Variants in SYCP3 observed in about 807,000 individuals in gnomAD.
SYCP3 encodes synaptonemal complex protein 3.
Under a neutral mutation model 38.5 loss-of-function variants are expected in SYCP3, and 29 were observed. That is an observed-to-expected ratio of 0.75 (90% CI 0.56 to 1.03). SYCP3 has a LOEUF of 1.03. Among genes scored for constraint, SYCP3 ranks in the 50% least tolerant of loss-of-function variants. The pLI, the probability that SYCP3 is intolerant of heterozygous loss-of-function variation, is 0.00. For missense variants in SYCP3, 242 were observed against 270.7 expected (o/e 0.89, Z 0.74); for synonymous variants, 79 against 80.3 (o/e 0.98, Z 0.08).
chr12:101,730,479 T>A, intron 7 of SYCP3: 1 of 414,484 alleles, frequency 2.4e-6, no homozygotes, highest in Non-Finnish European at 4.7e-6. Flanking sequence ...TAAAATAACA[T>A]GTGTGTGTAT....
At position 101,736,708 on chromosome 12, in the gene SYCP3, A is replaced by ATGTGTG. The variant is rs34377603; in HGVS notation, c.235+323_235+328dup. ...TATACAAATATATGTATGTATGTAT[A>ATGTGTG]TGTGTGTGTGTGTGTGTGTGTGTGT... On this transcript the variant is annotated intron_variant, in intron 4 of 8. Transcript: ENST00000392924. Among the ~76,000 whole-genome samples the ATGTGTG allele has an allele frequency of 7.4e-4, 110 of 149,134 alleles. 1 individual carries two copies. Among genetic ancestry groups the ATGTGTG allele is most frequent in the Admixed American group, 1.1e-3 (17 of 14,904 alleles).
At chr12:101,733,938 A>G (rs1361961243) in intron 5 of SYCP3, among the ~76,000 whole-genome samples, 1 of 152,224 alleles carries the variant, frequency 6.6e-6, no homozygotes, top group East Asian at 1.9e-4. Flanking sequence ...ATAAATTTTC[A>G]AAAAGAAATT....
At chr12:101,738,523 G>A (rs1952562985) in intron 1 of SYCP3, among the ~76,000 whole-genome samples, 2 of 151,142 alleles carry the variant, frequency 1.3e-5, no homozygotes, top group Non-Finnish European at 2.9e-5. Context: ...GATCACCTGA[G>A]GTCAGGAGTT....
intron 4 of SYCP3, among the ~76,000 whole-genome samples, chr12:101,735,458 C>T (rs1465663586): frequency 2.6e-5 from 4 of 151,916 alleles, no homozygotes; most frequent in East Asian, 1.9e-4. Context: ...GTCAAAAGAT[C>T]GAGACCATCC....
At chr12:101,735,769 A>T (rs893388671) in intron 4 of SYCP3, among the ~76,000 whole-genome samples, 6 of 150,288 alleles carry the variant, frequency 4.0e-5, no homozygotes, top group East Asian at 1.9e-4. Context: ...ATTATAGAAA[A>T]TATGTAAAAG....
At chr12:101,733,746 T>C in intron 5 of SYCP3, 72 bp from the exon 6 acceptor site, 1 of 1,376,222 alleles carries the variant, frequency 7.3e-7, no homozygotes, top group Non-Finnish European at 1.0e-6. Flanking sequence ...AAAACTGAGT[T>C]GACACAGTTA....
intron 4 of SYCP3, 96 bp downstream of exon 4, chr12:101,736,941 A>G (rs1710809977): frequency 8.6e-7 from 1 of 1,164,320 alleles, no homozygotes; most frequent in Admixed American, 1.9e-5. Flanking sequence ...AAGGCATTAA[A>G]TAACAGTCTT....
intron 5 of SYCP3, among the ~76,000 whole-genome samples, chr12:101,734,160 C>G (rs938168092): frequency 6.6e-6 from 1 of 152,154 alleles, no homozygotes; most frequent in Non-Finnish European, 1.5e-5. Flanking sequence ...ATATACGATA[C>G]AAGATTGGTG....
At chr12:101,731,306 AG>A (rs765920745) in intron 7 of SYCP3, among the ~76,000 whole-genome samples, 22 of 152,286 alleles carry the variant, frequency 1.4e-4, no homozygotes, top group Admixed American at 4.6e-4. Context: ...GTGTTATTAA[AG>A]TATGGATTTT....
chr12:101,729,919 A>G (rs1431297094), intron 7 of SYCP3, among the ~76,000 whole-genome samples: 1 of 152,112 alleles, frequency 6.6e-6, no homozygotes, highest in Non-Finnish European at 1.5e-5. Flanking sequence ...ATTCTAGGGG[A>G]AGGGCATAAG....
chr12:101,737,141 C>A, intron 3 of SYCP3, 70 bp from the exon 4 acceptor site: 1 of 1,602,440 alleles, frequency 6.2e-7, no homozygotes, highest in Non-Finnish European at 8.6e-7. Flanking sequence ...GGAAGAAATA[C>A]CAGATGCCAA....
rs1952352809 is a variant in SYCP3 at position 101,735,112 on chromosome 12, GTAAATA to G, written c.236-74_236-69del. On this transcript the variant is annotated intron_variant, in intron 4 of 8. Transcript: ENST00000392924. ...AAGTATTTTGTTCCCACATATTCAA[GTAAATA>G]TGGGTAAGGTTGGTTCAACAATATT... The G allele has an allele frequency of 9.2e-6, 9 of 983,500 alleles. 1 individual carries two copies. Among genetic ancestry groups the G allele is most frequent in the South Asian group, 8.1e-5 (6 of 73,720 alleles). 60.9% of individuals were successfully genotyped at this position (983,500 alleles called of 1,614,324 possible). A position where few individuals can be genotyped will look rare whatever the true frequency, so the allele number is the denominator to read the frequency against.
chr12:101,735,876 T>A (rs1952418577), intron 4 of SYCP3, among the ~76,000 whole-genome samples: 1 of 131,340 alleles, frequency 7.6e-6, no homozygotes, highest in South Asian at 2.4e-4. Context: ...TATATATTTT[T>A]TTTTTTTTAA....
rs755433875 is a variant in SYCP3, at chr12:101,734,957, T to G, written c.323A>C (p.Glu108Ala). ...ATCTTGTTGTGTTTTCCAAACATGT[T>G]CAATTTTCTGGTTACTAGTTTTGAG... ...ASLKTSNQKI[E>A]HVWKTQQDQR... The change falls in exon 5 of 9, where the codon GAA (glutamate) becomes GCA (alanine). Residue 108 changes from glutamate to alanine, a missense_variant. Glu to Ala is a moderately radical substitution (Grantham distance 107). Coordinates refer to ENST00000392924, the MANE Select transcript of SYCP3 (RefSeq NM_001177949.2). The G allele has an allele frequency of 1.2e-6, 2 of 1,613,560 alleles. No individual in the cohort carries two copies. Among genetic ancestry groups the G allele is most frequent in the Non-Finnish European group, 1.7e-6 (2 of 1,179,532 alleles).
intron 1 of SYCP3, 26 bp downstream of exon 1, chr12:101,739,325 T>G (rs73392439): frequency 2.0e-6 from 2 of 1,002,664 alleles, no homozygotes; most frequent in South Asian, 4.7e-5. Flanking sequence ...ACACCTGCGA[T>G]AGACAGACGC....
Position 101,737,266 on chromosome 12 carries a change from T to C in SYCP3, c.166A>G (p.Lys56Glu), listed in dbSNP as rs779301848. The change falls in exon 3 of 9, where the codon AAA (lysine) becomes GAA (glutamate). Residue 56 changes from lysine (K) to glutamate (E), a missense_variant. Transcript: ENST00000392924. Reference protein sequence around the residue: ...KTAVIEKRRKKRSSAGVVEDM... With the variant: ...KTAVIEKRRKERSSAGVVEDM... ...TCAACTACTCCTGCAGAAGACCTTT[T>C]CTTCCTACGTTTCTCAATGACTGCA... The C allele has an allele frequency of 1.2e-6, 2 of 1,613,358 alleles. No homozygotes were observed. Among genetic ancestry groups the C allele is most frequent in the Non-Finnish European group, 1.7e-6 (2 of 1,179,862 alleles).
chr12:101,737,827 C>T lies in SYCP3; in HGVS notation c.109G>A (p.Gly37Arg), dbSNP rs1231268680. 6.2e-7 allele frequency: 1 copy of T among 1,614,100 alleles called. No homozygotes were observed. The highest frequency in any genetic ancestry group is 8.5e-7 in the Non-Finnish European group (1 of 1,180,058). Residue 37 changes from glycine to arginine, a missense_variant, in exon 2 of 9, where the codon GGA becomes AGA. Transcript: ENST00000392924. ...CCTTCAATAACATCTTCCTCTGATCCACTCAGATCTTTCTTATCTTCAGTC... is the reference window on the plus strand; with the variant it reads ...CCTTCAATAACATCTTCCTCTGATCTACTCAGATCTTTCTTATCTTCAGTC... ...FETEDKKDLS[G>R]SEEDVIEGKT...
Position 101,737,439 on chromosome 12 carries a change from A to G in SYCP3, c.134-141T>C, listed in dbSNP as rs887398968. The G allele has an allele frequency of 5.0e-6, 4 of 801,646 alleles. No individual in the cohort carries two copies. In the African/African-American group the frequency reaches 5.2e-5, roughly 11 times the overall value. The allele number at this position is 801,646 out of a possible 1,614,324, so 49.7% of individuals were successfully genotyped here. Reference sequence around the variant, plus strand: ...GTTTCAAAGCAGACATAAAAATGCAATATTCTCTGCAGGTTAGGTGAAATT... The same window carrying G: ...GTTTCAAAGCAGACATAAAAATGCAGTATTCTCTGCAGGTTAGGTGAAATT... On this transcript the variant is annotated intron_variant, in intron 2 of 8. Transcript: ENST00000392924.
intron 5 of SYCP3, among the ~76,000 whole-genome samples, chr12:101,734,498 T>C (rs1017316126): frequency 2.0e-5 from 3 of 152,200 alleles, no homozygotes; most frequent in Non-Finnish European, 2.9e-5. Flanking sequence ...GTCAATTCTA[T>C]GAAGGAGTGA....
Sources: allele counts gnomAD v4.1 joint callset (sites outside exome capture counted in the v4.1 genomes callset), GRCh38; gene constraint gnomAD v4.1.1; transcripts MANE v1.5; gene names NCBI Gene and HGNC (gene_info 2026-07-23, HGNC 2026-07-21).